Variants in RAD52 observed in about 807,000 individuals in gnomAD.
The protein encoded by RAD52 is RAD52 DNA repair protein.
Under a neutral mutation model 55.5 loss-of-function variants are expected in RAD52, and 47 were observed. The observed-to-expected ratio is 0.85, with a 90% CI of 0.67 to 1.08. The LOEUF (loss-of-function observed/expected upper bound fraction) is 1.08. RAD52 is among the 50% of genes least tolerant of loss of function. The probability of loss-of-function intolerance (pLI) is 0.00; values close to 1 mark genes in which losing one functional copy is unlikely to be tolerated. For missense variants in RAD52, 468 were observed against 522.8 expected, an observed-to-expected ratio of 0.90 and a Z score of 1.02; for synonymous variants, 184 against 198.9, an observed-to-expected ratio of 0.92 and a Z score of 0.63.
chr12:957,460 T>C, intron 1 of RAD52, among the ~76,000 whole-genome samples: 1 of 100,112 alleles, frequency 1.0e-5, no homozygotes. Flanking sequence ...GAGTAAAACT[T>C]CGTCTCAAAA....
rs112388235 is a variant in RAD52, at chr12:945,114, G to A, written c.-19+4488C>T. ...ATCTGTAATCTCAGCACTTTGGAAG[G>A]CCAATGCAGACAGATCACCTGAGGT... On this transcript the variant is annotated intron_variant, in intron 1 of 11. Coordinates refer to ENST00000358495, the MANE Select transcript of RAD52 (RefSeq NM_134424.4). 2.1e-4 allele frequency among the ~76,000 whole-genome samples: 32 copies of A among 152,228 alleles called. 2 individuals carry two copies. Among genetic ancestry groups the A allele is most frequent in the African/African-American group, 7.7e-4 (32 of 41,548 alleles).
Position 912,741 on chromosome 12 carries a change from AAAAACAAAAAAC to A in RAD52, c.*638_*649del. 8.4e-6 allele frequency: 1 copy of A among 119,370 alleles called. No individual in the cohort carries two copies. The highest frequency in any genetic ancestry group is 1.7e-5 in the Non-Finnish European group (1 of 58,174). 7.4% of individuals were successfully genotyped at this position (119,370 alleles called of 1,614,324 possible). ...CCGTCTCAAAAAAAAAAAAAAAAAA[AAAAACAAAAAAC>A]AGCCTTTTTTCGTGGTCTTAGATGA... On this transcript the variant is annotated 3_prime_UTR_variant, in exon 12 of 12. Transcript: ENST00000358495.
chr12:962,460 C>T (rs2154120745), intron 1 of RAD52, among the ~76,000 whole-genome samples: 1 of 151,546 alleles, frequency 6.6e-6, no homozygotes, highest in Admixed American at 6.6e-5. Context: ...CTGCCTCAGC[C>T]TCCCGAGTAG....
chr12:989,587 CTG>C (rs1487944387), intron 1 of RAD52, among the ~76,000 whole-genome samples: 2 of 152,146 alleles, frequency 1.3e-5, no homozygotes, highest in South Asian at 2.1e-4. Context: ...AAATCTGAAT[CTG>C]TGTTAGGACA....
chr12:914,948 AG>A (rs1956277295), intron 9 of RAD52, among the ~76,000 whole-genome samples: 1 of 152,182 alleles, frequency 6.6e-6, no homozygotes, highest in Non-Finnish European at 1.5e-5. Context: ...GCTTGAAACC[AG>A]GAATTCGAGA....
intron 1 of RAD52, among the ~76,000 whole-genome samples, chr12:989,355 TA>T (rs910131427): frequency 1.3e-5 from 2 of 151,656 alleles, no homozygotes; most frequent in East Asian, 1.9e-4. Context: ...GCATGTCAAA[TA>T]AAAAAAAATT....
intron 1 of RAD52, among the ~76,000 whole-genome samples, chr12:945,891 C>T (rs1186784402): frequency 4.0e-5 from 6 of 151,808 alleles, no homozygotes; most frequent in African/African-American, 9.7e-5. Flanking sequence ...GGCACGGTGG[C>T]GGGTACCTGT....
At position 916,824 on chromosome 12, in the gene RAD52, G is replaced by GT; in HGVS notation, c.544-5_544-4insA. Reference sequence around the variant, plus strand: ...TTAAATCCACTTCAAGAGGCAACTAGAAGGAAAGAAGAAAAACAAATTCCT... The same window carrying GT: ...TTAAATCCACTTCAAGAGGCAACTAGTAAGGAAAGAAGAAAAACAAATTCCT... On this transcript the variant is annotated splice_polypyrimidine_tract_variant and splice_region_variant and intron_variant, in intron 7 of 11. Coordinates refer to ENST00000358495, the MANE Select transcript of RAD52 (RefSeq NM_134424.4). 1 of 1,591,820 alleles carries GT rather than the reference G, an allele frequency of 6.3e-7. No homozygotes were observed. Among genetic ancestry groups the GT allele is most frequent in the Non-Finnish European group, 8.6e-7 (1 of 1,161,708 alleles).
chr12:980,386 C>T (rs1381047716), intron 1 of RAD52, among the ~76,000 whole-genome samples: 4 of 151,214 alleles, frequency 2.6e-5, no homozygotes, highest in African/African-American at 7.3e-5. Context: ...CTCTGCCTCC[C>T]GGGTTCAAGC....
At chr12:971,333 C>T (rs1958848007) in intron 1 of RAD52, among the ~76,000 whole-genome samples, 1 of 151,894 alleles carries the variant, frequency 6.6e-6, no homozygotes, top group African/African-American at 2.4e-5. Flanking sequence ...AAAAGACTGC[C>T]TTTTCCTCTA....
At chr12:924,273 G>A (rs1329722981) in intron 7 of RAD52, among the ~76,000 whole-genome samples, 10 of 151,698 alleles carry the variant, frequency 6.6e-5, no homozygotes, top group Admixed American at 5.3e-4. Flanking sequence ...AGCCAGGCGT[G>A]GTGGTACACA....
chr12:959,775 G>A (rs892771446), intron 1 of RAD52, among the ~76,000 whole-genome samples: 2 of 152,162 alleles, frequency 1.3e-5, no homozygotes, highest in Admixed American at 6.5e-5. Flanking sequence ...TTAAAGGTGA[G>A]TTGGAAGTTT....
intron 1 of RAD52, among the ~76,000 whole-genome samples, chr12:964,317 C>T (rs1381123721): frequency 6.6e-6 from 1 of 152,120 alleles, no homozygotes; most frequent in African/African-American, 2.4e-5. Flanking sequence ...CCTGTAATCT[C>T]AGCACTTTGG....
rs78428670 is a variant in RAD52, at chr12:921,268, A to G, written c.543+4182T>C. On this transcript the variant is annotated intron_variant, in intron 7 of 11. Transcript: ENST00000358495. ...AAATTCTAAAAAGATGACAGCAAAC[A>G]TAAGTGAAAGAGAGAATACAAAAAC... is the stretch of plus-strand genomic sequence containing the variant. 2.0e-3 allele frequency among the ~76,000 whole-genome samples: 308 copies of G among 152,286 alleles called. 1 individual carries two copies. Among genetic ancestry groups the G allele is most frequent in the Non-Finnish European group, 3.2e-3 (216 of 68,016 alleles).
intron 1 of RAD52, among the ~76,000 whole-genome samples, chr12:942,791 T>C (rs572052279): frequency 1.0e-3 from 159 of 151,782 alleles, no homozygotes; most frequent in African/African-American, 3.8e-3. Context: ...AAGATTATCT[T>C]CACAGCCTGA....
At chr12:959,505 G>A (rs1289136928) in intron 1 of RAD52, among the ~76,000 whole-genome samples, 3 of 152,188 alleles carry the variant, frequency 2.0e-5, no homozygotes, top group African/African-American at 7.2e-5. Flanking sequence ...ACTTTATGTC[G>A]ATAACTGCGT....
At chr12:951,451 A>G (rs376694701), upstream of RAD52, among the ~76,000 whole-genome samples, 95 of 152,276 alleles carry the variant, frequency 6.2e-4, no homozygotes, top group Non-Finnish European at 9.1e-4. Context: ...TGATTTTGCT[A>G]TGAGTTGTTT....
intron 9 of RAD52, 36 bp from the exon 10 acceptor site, chr12:914,568 A>AT: frequency 6.2e-7 from 1 of 1,610,958 alleles, no homozygotes; most frequent in Non-Finnish European, 8.5e-7. Flanking sequence ...ACAAGTCATC[A>AT]TCACATCACT....
chr12:933,149 T>G, intron 1 of RAD52, 73 bp from the exon 2 acceptor site: 1 of 1,100,322 alleles, frequency 9.1e-7, no homozygotes, highest in Non-Finnish European at 1.3e-6. Flanking sequence ...GAGCCTCTAC[T>G]GAAAAATCAC....
Sources: gnomAD v4.1 joint callset for allele counts (sites outside exome capture counted in the v4.1 genomes callset) on GRCh38, gnomAD v4.1.1 for gene constraint, MANE v1.5 for transcripts, NCBI Gene and HGNC (gene_info 2026-07-23, HGNC 2026-07-21) for gene names.